SCN9A: variants seen among roughly 807,000 people sequenced by gnomAD.
SCN9A encodes sodium voltage-gated channel alpha subunit 9.
Under a neutral mutation model 187.0 loss-of-function variants are expected in SCN9A, and 131 were observed. That is an observed-to-expected ratio of 0.70 (90% CI 0.61 to 0.81). The LOEUF is 0.81. SCN9A is among the 30% of genes least tolerant of loss of function. The pLI is 0.00. For synonymous variants in SCN9A, 809 were observed against 808.6 expected (o/e 1.00, Z -0.01); for missense variants, 2,252 against 2,396.6 (o/e 0.94, Z 1.26).
chr2:166,364,044 T>G (rs950613698), intron 1 of SCN9A, among the ~76,000 whole-genome samples: 1 of 152,004 alleles, frequency 6.6e-6, no homozygotes, highest in Admixed American at 6.6e-5. Flanking sequence ...AAAAGACATT[T>G]TTCCAAAGAA....
At chr2:166,230,238 A>G (rs1430290864) in intron 21 of SCN9A, among the ~76,000 whole-genome samples, 3 of 152,180 alleles carry the variant, frequency 2.0e-5, no homozygotes, top group African/African-American at 7.2e-5. Context: ...AGCAATGATT[A>G]TTTGGAGTTC....
At chr2:166,326,895 G>A (rs1220152220) in intron 1 of SCN9A, among the ~76,000 whole-genome samples, 2 of 152,136 alleles carry the variant, frequency 1.3e-5, no homozygotes, top group Non-Finnish European at 2.9e-5. Flanking sequence ...CTTGGAGCTT[G>A]AGAACATTCA....
At chr2:166,225,438 GTTTAA>G (rs925739999) in intron 24 of SCN9A, among the ~76,000 whole-genome samples, 7 of 152,100 alleles carry the variant, frequency 4.6e-5, no homozygotes, top group African/African-American at 1.4e-4. Context: ...ATAGTAGAGA[GTTTAA>G]TAGAGTACAA....
At chr2:166,243,008 T>A (rs1695634443) in intron 18 of SCN9A, among the ~76,000 whole-genome samples, 1 of 152,100 alleles carries the variant, frequency 6.6e-6, no homozygotes, top group South Asian at 2.1e-4. Context: ...GGGTCTTCTT[T>A]TCTGACAGAT....
intron 17 of SCN9A, among the ~76,000 whole-genome samples, chr2:166,265,140 A>G (rs1014435487): frequency 1.3e-5 from 2 of 151,970 alleles, no homozygotes; most frequent in Non-Finnish European, 1.5e-5. Context: ...CCAACGATTC[A>G]ATAGAACACC....
chr2:166,291,863 A>G (rs1698087209), intron 9 of SCN9A, among the ~76,000 whole-genome samples: 1 of 152,232 alleles, frequency 6.6e-6, no homozygotes, highest in South Asian at 2.1e-4. Flanking sequence ...GAAGCTGGCT[A>G]GCCATATGCA....
chr2:166,358,034 T>TTTTATTTATTTATTTATTTA (rs371958712), intron 1 of SCN9A, among the ~76,000 whole-genome samples: 1 of 140,926 alleles, frequency 7.1e-6, no homozygotes, highest in Non-Finnish European at 1.5e-5. Flanking sequence ...GGAATAAAAC[T>TTTTATTTATTTATTTATTTA]TTTATTTATT....
chr2:166,259,215 A>G (rs1696404142), intron 17 of SCN9A: 1 of 151,666 alleles, frequency 6.6e-6, no homozygotes, highest in South Asian at 2.1e-4. Flanking sequence ...CCTGTGTAAA[A>G]GTGGTGACAT....
At chr2:166,364,372 G>A (rs1396166191) in intron 1 of SCN9A, among the ~76,000 whole-genome samples, 1 of 152,084 alleles carries the variant, frequency 6.6e-6, no homozygotes, top group Non-Finnish European at 1.5e-5. Flanking sequence ...GTAGTTATCT[G>A]TACACCAATG....
At position 166,236,158 on chromosome 2, in the gene SCN9A, A is replaced by G. The variant is rs1489183255; in HGVS notation, c.3801+1936T>C. ...TTCTTATTTGGGGCAGCCTTTCTTCAAAACTACTATATTACAAAAATACCC... is the reference window on the plus strand; with the variant it reads ...TTCTTATTTGGGGCAGCCTTTCTTCGAAACTACTATATTACAAAAATACCC... On this transcript the variant is annotated intron_variant, in intron 20 of 26. Transcript: ENST00000642356. Among the ~76,000 whole-genome samples the G allele has an allele frequency of 1.3e-5, 2 of 152,278 alleles. 1 individual carries two copies.
At chr2:166,354,661 G>T (rs1574958445) in intron 1 of SCN9A, among the ~76,000 whole-genome samples, 1 of 152,136 alleles carries the variant, frequency 6.6e-6, no homozygotes, top group South Asian at 2.1e-4. Flanking sequence ...CCTAGGCACA[G>T]ATACAATCCT....
intron 17 of SCN9A, among the ~76,000 whole-genome samples, chr2:166,252,135 T>A (rs1182960357): frequency 6.6e-6 from 1 of 151,982 alleles, no homozygotes; most frequent in Non-Finnish European, 1.5e-5. Context: ...AACAAGTACG[T>A]GGCCAAAATT....
intron 24 of SCN9A, among the ~76,000 whole-genome samples, chr2:166,224,943 T>C (rs952824846): frequency 6.6e-6 from 1 of 152,186 alleles, no homozygotes; most frequent in Non-Finnish European, 1.5e-5. Context: ...ACTACAATTA[T>C]GTTAGAAGTA....
In SCN9A at chr2:166,228,548, C is replaced by A. The variant is rs117259237; in HGVS notation, c.4206+143G>T. 2.3e-3 allele frequency: 1,864 copies of A among 806,822 alleles called. 43 individuals are homozygous for A. In the East Asian group the frequency reaches 0.041, roughly 18 times the overall value. The allele number at this position is 806,822 out of a possible 1,614,324, so 50.0% of individuals were successfully genotyped here. A position where few individuals can be genotyped will look rare whatever the true frequency, so the allele number is the denominator to read the frequency against. ...AAGAGACTACAGGCATGAGCCACTG[C>A]GCCCGGCCAAGACTGGCACTGTTTT... On this transcript the variant is annotated intron_variant, in intron 22 of 26. Transcript: ENST00000642356.
At chr2:166,205,344 C>G (rs979135815) in intron 24 of SCN9A, 4 of 152,134 alleles carry the variant, frequency 2.6e-5, no homozygotes, top group African/African-American at 9.7e-5. Context: ...ACAGAGGCCT[C>G]AGAAATAACA....
intron 17 of SCN9A, among the ~76,000 whole-genome samples, chr2:166,267,601 T>G (rs1696796964): frequency 1.3e-5 from 2 of 151,932 alleles, no homozygotes; most frequent in Non-Finnish European, 2.9e-5. Flanking sequence ...TCCTTTCCTT[T>G]TGATTTTTTT....
chr2:166,251,690 TA>T, intron 18 of SCN9A, 74 bp downstream of exon 18: 3 of 1,518,634 alleles, frequency 2.0e-6, no homozygotes, highest in Non-Finnish European at 1.8e-6. Flanking sequence ...CAACCTCTGG[TA>T]AGTATTAGGC....
intron 1 of SCN9A, among the ~76,000 whole-genome samples, chr2:166,364,652 T>C (rs776427552): frequency 1.4e-4 from 22 of 152,126 alleles, no homozygotes; most frequent in Admixed American, 7.9e-4. Flanking sequence ...GAAAGTAGAA[T>C]AGTGGTTACT....
At chr2:166,314,080 A>T (rs540519101) in intron 1 of SCN9A, among the ~76,000 whole-genome samples, 2 of 152,292 alleles carry the variant, frequency 1.3e-5, no homozygotes, top group Admixed American at 1.3e-4. Flanking sequence ...AACAACAAAG[A>T]TCACTGATCA....
Sources: allele counts gnomAD v4.1 joint callset (sites outside exome capture counted in the v4.1 genomes callset), GRCh38; gene constraint gnomAD v4.1.1; transcripts MANE v1.5; gene names NCBI Gene and HGNC (gene_info 2026-07-23, HGNC 2026-07-21).